Variants in FBN2 observed in about 807,000 individuals in gnomAD.
FBN2 encodes fibrillin-2.
FBN2 carries 105 observed loss-of-function variants against 355.6 expected under a neutral mutation model. The ratio of observed to expected loss-of-function variants is 0.30; its 90% CI spans 0.25 to 0.35. The LOEUF (loss-of-function observed/expected upper bound fraction) is 0.35, where lower values mean the gene tolerates loss of function less well. Ranked by LOEUF, FBN2 falls within the 10% of genes least tolerant of loss-of-function variation. The probability of loss-of-function intolerance (pLI) is 1.00; values close to 1 mark genes in which losing one functional copy is unlikely to be tolerated. For missense variants in FBN2, 3,280 were observed against 3,758.7 expected (o/e 0.87, Z 3.33); for synonymous variants, 1,350 against 1,301.2 (o/e 1.04, Z -0.81).
intron 18 of FBN2, 70 bp from the exon 19 acceptor site, chr5:128,361,918 A>T (rs2099868219): frequency 1.4e-6 from 2 of 1,466,930 alleles, no homozygotes; most frequent in Admixed American, 3.3e-5. Flanking sequence ...AGCAATGTTT[A>T]ATTTTGTTAT....
At chr5:128,299,726 A>G (rs1749660073) in intron 48 of FBN2, among the ~76,000 whole-genome samples, 1 of 151,878 alleles carries the variant, frequency 6.6e-6, no homozygotes, top group African/African-American at 2.4e-5. Flanking sequence ...ACTGTCTGGC[A>G]CTCCCTAGTA....
intron 27 of FBN2, among the ~76,000 whole-genome samples, chr5:128,337,770 G>C (rs1750885037): frequency 6.6e-6 from 1 of 152,080 alleles, no homozygotes; most frequent in South Asian, 2.1e-4. Context: ...CCAATCACGT[G>C]GCTTGTTATA....
chr5:128,514,832 C>T (rs1262886346), intron 5 of FBN2, among the ~76,000 whole-genome samples: 5 of 152,152 alleles, frequency 3.3e-5, no homozygotes, highest in South Asian at 4.1e-4. Flanking sequence ...TTATAATAAA[C>T]ATGCATGACA....
rs1040280257 is a variant in FBN2 at position 128,537,521 on chromosome 5, C to G, written c.83G>C (p.Gly28Ala). 6.3e-7 allele frequency: 1 copy of G among 1,576,650 alleles called. No homozygotes were observed. The highest frequency in any genetic ancestry group is 1.3e-5 in the African/African-American group (1 of 74,250). ...CTTGGGCGGAGGAGGCTGAGGCTGG[C>G]CGGCCGTGCCCTGCGCCCAGAGCAC... The part of the protein sequence containing the change: ...CVVLWAQGTA[G>A]QPQPPPPKPP... The change falls in exon 1 of 65, where the codon GGC (glycine) becomes GCC (alanine). Residue 28 changes from glycine to alanine, a missense_variant. By Grantham distance (60) the Gly-to-Ala change is moderately conservative. Coordinates refer to ENST00000262464, the MANE Select transcript of FBN2 (RefSeq NM_001999.4).
chr5:128,323,288 T>A (rs1432562878), intron 34 of FBN2, among the ~76,000 whole-genome samples: 1 of 152,206 alleles, frequency 6.6e-6, no homozygotes, highest in African/African-American at 2.4e-5. Context: ...GAACTTTCAA[T>A]ACTATGTTGA....
At chr5:128,277,752 G>A in intron 58 of FBN2, 128 bp downstream of exon 58, 1 of 1,094,128 alleles carries the variant, frequency 9.1e-7, no homozygotes, top group Admixed American at 1.9e-5. Flanking sequence ...TGAGAGGATG[G>A]CAACATTTTA....
intron 48 of FBN2, among the ~76,000 whole-genome samples, chr5:128,297,604 C>G (rs547257853): frequency 6.6e-6 from 1 of 152,152 alleles, no homozygotes; most frequent in African/African-American, 2.4e-5. Context: ...CCTTCTTTGT[C>G]TCTTTTGATC....
intron 6 of FBN2, among the ~76,000 whole-genome samples, chr5:128,456,023 A>AAAAAAAAAAT: frequency 6.9e-6 from 1 of 145,890 alleles, no homozygotes; most frequent in African/African-American, 2.5e-5. Flanking sequence ...AAAAAAAAAA[A>AAAAAAAAAAT]GCAACTGCTG....
chr5:128,445,268 A>T (rs1754035619), intron 7 of FBN2, among the ~76,000 whole-genome samples: 1 of 152,226 alleles, frequency 6.6e-6, no homozygotes, highest in African/African-American at 2.4e-5. Context: ...TAGAGGGAGC[A>T]TGAAATTAAT....
intron 58 of FBN2, among the ~76,000 whole-genome samples, chr5:128,276,554 T>A (rs896640323): frequency 9.2e-5 from 14 of 152,190 alleles, no homozygotes; most frequent in African/African-American, 3.1e-4. Context: ...GGATCACAGA[T>A]GGTGCTGGAA....
At chr5:128,481,776 A>G (rs1223098801) in intron 5 of FBN2, among the ~76,000 whole-genome samples, 1 of 151,880 alleles carries the variant, frequency 6.6e-6, no homozygotes, top group Non-Finnish European at 1.5e-5. Flanking sequence ...TTTTTAGTGG[A>G]AAAAAAACAC....
intron 63 of FBN2, 63 bp from the exon 64 acceptor site, chr5:128,261,970 G>C (rs1243112205): frequency 5.8e-6 from 8 of 1,372,166 alleles, no homozygotes; most frequent in Non-Finnish European, 8.3e-6. Context: ...TTTTCCAGTG[G>C]TAGAGCAGAC....
intron 7 of FBN2, among the ~76,000 whole-genome samples, chr5:128,440,698 A>G (rs1753896682): frequency 6.6e-6 from 1 of 152,082 alleles, no homozygotes; most frequent in Non-Finnish European, 1.5e-5. Flanking sequence ...ACTTTCTTAC[A>G]CCTACTTTTG....
chr5:128,526,117 T>C (rs1305223478), intron 4 of FBN2, among the ~76,000 whole-genome samples: 2 of 152,124 alleles, frequency 1.3e-5, no homozygotes, highest in East Asian at 3.8e-4. Context: ...ATAGCACTTA[T>C]AAATAGAAAG....
intron 20 of FBN2, among the ~76,000 whole-genome samples, chr5:128,355,764 A>G (rs945740944): frequency 6.6e-6 from 1 of 152,028 alleles, no homozygotes; most frequent in Non-Finnish European, 1.5e-5. Context: ...TCTCATTTTG[A>G]GCTGCTCTAC....
intron 7 of FBN2, among the ~76,000 whole-genome samples, chr5:128,410,757 T>C (rs1381993382): frequency 1.3e-5 from 2 of 152,192 alleles, no homozygotes; most frequent in African/African-American, 4.8e-5. Context: ...TTGTGGTTTT[T>C]CTGTTAACAA....
intron 10 of FBN2, 57 bp from the exon 11 acceptor site, chr5:128,392,212 G>T: frequency 2.0e-6 from 3 of 1,495,184 alleles, no homozygotes; most frequent in Non-Finnish European, 2.8e-6. Flanking sequence ...TTACTTTTCT[G>T]AATTGATTTT....
At chr5:128,424,335 G>A (rs370072848) in intron 7 of FBN2, among the ~76,000 whole-genome samples, 9 of 152,004 alleles carry the variant, frequency 5.9e-5, no homozygotes, top group African/African-American at 9.7e-5. Context: ...GAAGGTGTTC[G>A]GGAGTTAATC....
At chr5:128,272,350 G>A (rs1255626470) in intron 61 of FBN2, among the ~76,000 whole-genome samples, 4 of 151,514 alleles carry the variant, frequency 2.6e-5, no homozygotes, top group African/African-American at 4.9e-5. Flanking sequence ...ACCAGACCAC[G>A]GCATGTCAGT....
Sources: gnomAD v4.1 joint callset for allele counts (sites outside exome capture counted in the v4.1 genomes callset) on GRCh38, gnomAD v4.1.1 for gene constraint, MANE v1.5 for transcripts, NCBI Gene and HGNC (gene_info 2026-07-23, HGNC 2026-07-21) for gene names.